ASTN1: variants seen among roughly 807,000 people sequenced by gnomAD.
ASTN1 encodes astrotactin 1, also known as astrotactin-1.
In ASTN1, 41 loss-of-function variants were observed where a neutral mutation model predicts 140.7. The ratio of observed to expected loss-of-function variants is 0.29; its 90% CI spans 0.23 to 0.38. The LOEUF (loss-of-function observed/expected upper bound fraction) is 0.38. Among genes scored for constraint, ASTN1 ranks in the 10% least tolerant of loss-of-function variants. The probability of loss-of-function intolerance (pLI) is 1.00; values close to 1 mark genes in which losing one functional copy is unlikely to be tolerated. For missense variants in ASTN1, 1,479 were observed against 1,678.8 expected (o/e 0.88, Z 2.08); for synonymous variants, 640 against 652.2 (o/e 0.98, Z 0.29).
intron 9 of ASTN1, among the ~76,000 whole-genome samples, chr1:176,958,694 T>A (rs773154981): frequency 2.6e-5 from 4 of 152,234 alleles, no homozygotes; most frequent in Non-Finnish European, 5.9e-5. Flanking sequence ...CTGATTATGG[T>A]GCCTACTCAG....
At chr1:177,032,944 T>C (rs1676523611) in intron 2 of ASTN1, 95 bp from the exon 3 acceptor site, 2 of 1,351,660 alleles carry the variant, frequency 1.5e-6, no homozygotes, top group Non-Finnish European at 2.0e-6. Flanking sequence ...TCATCACTTA[T>C]TTATGCATTC....
chr1:176,944,487 C>T (rs920875763), intron 13 of ASTN1, among the ~76,000 whole-genome samples: 8 of 152,166 alleles, frequency 5.3e-5, no homozygotes, highest in African/African-American at 1.7e-4. Flanking sequence ...TCTCAAACTC[C>T]TGAGCTCAAG....
At chr1:176,875,384 G>A (rs1169698236) in intron 21 of ASTN1, among the ~76,000 whole-genome samples, 1 of 152,208 alleles carries the variant, frequency 6.6e-6, no homozygotes, top group East Asian at 1.9e-4. Context: ...TTTGTCACAA[G>A]AGGAATGGCA....
In ASTN1 at chr1:176,946,047, T is replaced by C. The variant is rs1278247727; in HGVS notation, c.2128A>G (p.Ser710Gly). 6.2e-7 allele frequency: 1 copy of C among 1,614,122 alleles called. No individual in the cohort carries two copies. Among genetic ancestry groups the C allele is most frequent in the Non-Finnish European group, 8.5e-7 (1 of 1,179,968 alleles). The change falls in exon 13 of 23, where the codon AGT becomes GGT. Residue 710 changes from serine to glycine, a missense_variant. Ser to Gly is a moderately conservative substitution (Grantham distance 56). This residue lies in a region of ASTN1 where 746 missense variants were observed against 800.9 expected (regional missense o/e 0.93). Transcript: ENST00000361833. ...AGCTCCCTGCTTTCCCCACAGTCAC[T>C]TCCCTCTGGACAGGTCTCCGTGATG... ...QLITETCPEG[S>G]DCGESRELPM...
At chr1:176,939,404 A>G (rs563804628) in intron 14 of ASTN1, among the ~76,000 whole-genome samples, 1 of 152,320 alleles carries the variant, frequency 6.6e-6, no homozygotes, top group South Asian at 2.1e-4. Flanking sequence ...ACCGAACTCC[A>G]TTACTTAGCT....
At chr1:176,880,586 T>G (rs548710185) in intron 20 of ASTN1, among the ~76,000 whole-genome samples, 3 of 152,336 alleles carry the variant, frequency 2.0e-5, no homozygotes, top group Non-Finnish European at 4.4e-5. Flanking sequence ...TCGCTGTTTT[T>G]GGGCCATGGA....
intron 2 of ASTN1, among the ~76,000 whole-genome samples, chr1:177,054,770 A>T (rs1458165762): frequency 6.6e-6 from 1 of 152,240 alleles, no homozygotes; most frequent in African/African-American, 2.4e-5. Context: ...TGATGAGTAA[A>T]TGGAGTGTCA....
chr1:176,910,350 C>T (rs1228488220), intron 16 of ASTN1, among the ~76,000 whole-genome samples: 1 of 152,070 alleles, frequency 6.6e-6, no homozygotes, highest in Non-Finnish European at 1.5e-5. Context: ...GGCTTTGTTT[C>T]CATCAAAAAG....
chr1:177,164,549 G>C lies in ASTN1; in HGVS notation c.128C>G (p.Ser43Trp). 3 of 1,613,880 alleles carry C rather than the reference G, an allele frequency of 1.9e-6. No homozygotes were observed. Among genetic ancestry groups the C allele is most frequent in the Non-Finnish European group, 2.5e-6 (3 of 1,179,934 alleles). Reference protein sequence around the residue: ...LECKLKSITVSALPFLRENDL... With the variant: ...LECKLKSITVWALPFLRENDL... ...GTTCTCGCGCAGGAAGGGCAGTGCCGACACCGTGATGCTTTTGAGCTTGCA... is the reference window on the plus strand; with the variant it reads ...GTTCTCGCGCAGGAAGGGCAGTGCCCACACCGTGATGCTTTTGAGCTTGCA... Residue 43 changes from serine (S) to tryptophan (W), a missense_variant, in exon 1 of 23, where the codon TCG (serine) becomes TGG (tryptophan). By Grantham distance (177) the Ser-to-Trp change is radical (BLOSUM62 -3). Around this residue, in one of 3 missense-constraint regions of ASTN1, gnomAD observed 729 missense variants for 860.4 expected, o/e 0.85. Transcript: ENST00000361833.
At chr1:177,071,475 C>T (rs1307731530) in intron 1 of ASTN1, among the ~76,000 whole-genome samples, 1 of 152,194 alleles carries the variant, frequency 6.6e-6, no homozygotes, top group Non-Finnish European at 1.5e-5. Flanking sequence ...GAGCACCTGT[C>T]ATCATAAATG....
intron 2 of ASTN1, among the ~76,000 whole-genome samples, chr1:177,055,037 A>G (rs918561445): frequency 1.3e-5 from 2 of 152,072 alleles, no homozygotes; most frequent in Non-Finnish European, 2.9e-5. Flanking sequence ...CTGCAGTACA[A>G]CTCTATTACA....
At chr1:177,123,626 A>T (rs2102185626) in intron 1 of ASTN1, among the ~76,000 whole-genome samples, 1 of 152,276 alleles carries the variant, frequency 6.6e-6, no homozygotes, top group African/African-American at 2.4e-5. Flanking sequence ...TGGCTACCCT[A>T]ACCTCAACCC....
chr1:177,149,578 T>C (rs1400129380), intron 1 of ASTN1, among the ~76,000 whole-genome samples: 1 of 87,986 alleles, frequency 1.1e-5, no homozygotes, highest in Admixed American at 1.6e-4. Context: ...ACTGTATATA[T>C]ATAGTAAATA....
intron 1 of ASTN1, among the ~76,000 whole-genome samples, chr1:177,138,385 AT>A (rs1291851014): frequency 1.3e-5 from 2 of 152,170 alleles, no homozygotes; most frequent in Non-Finnish European, 2.9e-5. Context: ...TTCAACTACA[AT>A]CAGTTAATCA....
At chr1:177,122,694 A>G (rs1212632796) in intron 1 of ASTN1, among the ~76,000 whole-genome samples, 2 of 152,146 alleles carry the variant, frequency 1.3e-5, no homozygotes, top group East Asian at 3.9e-4. Context: ...CTCACTTCAC[A>G]GTGGTCAGCG....
rs558863811 is a variant in ASTN1 at position 176,937,189 on chromosome 1, A to G, written c.2378-819T>C. Among the ~76,000 whole-genome samples, 4 of 152,338 alleles carry G rather than the reference A, an allele frequency of 2.6e-5. No homozygotes were observed. The South Asian group carries it at 8.3e-4, about 32-fold the overall frequency. On this transcript the variant is annotated intron_variant, in intron 14 of 22. Transcript: ENST00000361833. ...GTAATTGACTCAGCCCACATACCTGATAACATTGATTTTTCTGTCTCATTT... is the reference window on the plus strand; with the variant it reads ...GTAATTGACTCAGCCCACATACCTGGTAACATTGATTTTTCTGTCTCATTT...
rs1347596852 is a variant in ASTN1 at position 176,884,498 on chromosome 1, C to A, written c.3075-8G>T. 6.3e-7 allele frequency: 1 copy of A among 1,599,236 alleles called. No individual in the cohort carries two copies. The highest frequency in any genetic ancestry group is 2.2e-5 in the East Asian group (1 of 44,446). ...ACCGTGGAGAGTCTCAGCCTGTGTG[C>A]AGACAGGAAGGAACATGAAACAGGG... On this transcript the variant is annotated splice_polypyrimidine_tract_variant and splice_region_variant and intron_variant, in intron 18 of 22. Transcript: ENST00000361833.
At chr1:177,017,701 T>A (rs1334265851) in intron 7 of ASTN1, among the ~76,000 whole-genome samples, 2 of 151,980 alleles carry the variant, frequency 1.3e-5, no homozygotes, top group Admixed American at 6.6e-5. Flanking sequence ...CCAGACAGAG[T>A]GTGCCCTGCA....
At chr1:176,929,092 T>G (rs1302189459) in intron 16 of ASTN1, among the ~76,000 whole-genome samples, 3 of 152,164 alleles carry the variant, frequency 2.0e-5, no homozygotes, top group Non-Finnish European at 4.4e-5. Context: ...AAGATAACCT[T>G]ATGTCATCAG....
Sources: gnomAD v4.1 joint callset for allele counts (sites outside exome capture counted in the v4.1 genomes callset) on GRCh38, gnomAD v4.1.1 for gene constraint, gnomAD v4.1.1 regional missense constraint, MANE v1.5 for transcripts, NCBI Gene and HGNC (gene_info 2026-07-23, HGNC 2026-07-21) for gene names.